Variants in CFAP95 observed in about 807,000 individuals in gnomAD.
The protein encoded by CFAP95 is cilia- and flagella-associated protein 95.
the CFAP95 span, chr9:69,844,423 A>G: frequency 1.4e-6 from 1 of 699,272 alleles, no homozygotes; most frequent in South Asian, 2.5e-5. Flanking sequence ...TACTACAAAT[A>G]TAGAAAATTT....
the CFAP95 span, among the ~76,000 whole-genome samples, chr9:69,901,041 G>C: frequency 1.3e-5 from 2 of 151,836 alleles, no homozygotes; most frequent in Admixed American, 6.6e-5. Flanking sequence ...ACAGGCCCCT[G>C]GTGTGTGATG....
the CFAP95 span, among the ~76,000 whole-genome samples, chr9:69,889,341 C>T: frequency 3.9e-5 from 6 of 152,184 alleles, no homozygotes; most frequent in African/African-American, 9.7e-5. Flanking sequence ...ATCCATTTAA[C>T]GAGGGTCACA....
the CFAP95 span, among the ~76,000 whole-genome samples, chr9:69,882,414 C>T: frequency 3.9e-5 from 6 of 152,168 alleles, no homozygotes; most frequent in African/African-American, 1.4e-4. Context: ...TGACTTCTTC[C>T]TTTCCAATTT....
At chr9:69,870,589 T>C in the CFAP95 span, among the ~76,000 whole-genome samples, 1 of 152,108 alleles carries the variant, frequency 6.6e-6, no homozygotes, top group African/African-American at 2.4e-5. Context: ...AGCGAAAAAG[T>C]AAAGAGGTAA....
At chr9:69,880,664 G>A in the CFAP95 span, among the ~76,000 whole-genome samples, 1 of 152,160 alleles carries the variant, frequency 6.6e-6, no homozygotes, top group South Asian at 2.1e-4. Flanking sequence ...CCTTTGTTTT[G>A]CATATATACC....
chr9:69,856,826 C>T, the CFAP95 span, among the ~76,000 whole-genome samples: 1 of 151,926 alleles, frequency 6.6e-6, no homozygotes, highest in Non-Finnish European at 1.5e-5. Flanking sequence ...TCATGCTGTT[C>T]TCTCTGTTTG....
the CFAP95 span, among the ~76,000 whole-genome samples, chr9:69,892,700 A>G: frequency 1.3e-5 from 2 of 152,136 alleles, no homozygotes; most frequent in African/African-American, 4.8e-5. Flanking sequence ...TCCTGTACCT[A>G]TAAAAATCCT....
At chr9:69,878,198 T>G in the CFAP95 span, among the ~76,000 whole-genome samples, 1 of 152,174 alleles carries the variant, frequency 6.6e-6, no homozygotes, top group Admixed American at 6.5e-5. Flanking sequence ...TATTTTCTTG[T>G]GTTTTATTTC....
the CFAP95 span, among the ~76,000 whole-genome samples, chr9:69,880,716 G>A: frequency 6.6e-6 from 1 of 152,146 alleles, no homozygotes; most frequent in African/African-American, 2.4e-5. Context: ...TCAATTGTTA[G>A]CTTTTTGAGG....
At chr9:69,856,916 A>G in the CFAP95 span, among the ~76,000 whole-genome samples, 3 of 89,128 alleles carry the variant, frequency 3.4e-5, no homozygotes, top group Non-Finnish European at 4.5e-5. Context: ...TCCTCTTTAT[A>G]TGTGTTTTTT....
chr9:69,820,937 G>C, the CFAP95 span: 1 of 1,614,058 alleles, frequency 6.2e-7, no homozygotes, highest in Non-Finnish European at 8.5e-7. Flanking sequence ...ACACTGGTTG[G>C]AGATCGGACC....
the CFAP95 span, among the ~76,000 whole-genome samples, chr9:69,875,169 TA>T: frequency 5.3e-5 from 8 of 152,194 alleles, 1 homozygote; most frequent in South Asian, 1.7e-3. Context: ...GCACATAATG[TA>T]CTCTCTATCA....
chr9:69,872,300 C>T, the CFAP95 span, among the ~76,000 whole-genome samples: 1 of 152,192 alleles, frequency 6.6e-6, no homozygotes, highest in African/African-American at 2.4e-5. Context: ...TTCTGCTTAA[C>T]AATCACTCAA....
chr9:69,837,980 A>G, the CFAP95 span, among the ~76,000 whole-genome samples: 3 of 152,196 alleles, frequency 2.0e-5, no homozygotes, highest in African/African-American at 7.2e-5. Context: ...ACCATTTATT[A>G]AACAGGGAAT....
At chr9:69,905,827 C>A in the CFAP95 span, 2 of 694,930 alleles carry the variant, frequency 2.9e-6, no homozygotes, top group Admixed American at 4.0e-5. Flanking sequence ...TTTGAGAGAA[C>A]AAATTAATCA....
chr9:69,902,266 T>A, the CFAP95 span: 5 of 449,094 alleles, frequency 1.1e-5, no homozygotes, highest in African/African-American at 8.1e-5. Context: ...TTCTTCCCTA[T>A]CTTCCTCCTC....
chr9:69,851,783 G>T, the CFAP95 span, among the ~76,000 whole-genome samples: 3 of 151,696 alleles, frequency 2.0e-5, no homozygotes, highest in African/African-American at 4.9e-5. Flanking sequence ...CAGGAGGATT[G>T]CTTGAGCCCA....
chr9:69,830,753 T>C, the CFAP95 span, among the ~76,000 whole-genome samples: 1 of 152,182 alleles, frequency 6.6e-6, no homozygotes, highest in African/African-American at 2.4e-5. Flanking sequence ...GCTCAAGTGA[T>C]TCTCCTGCCC....
the CFAP95 span, among the ~76,000 whole-genome samples, chr9:69,899,429 T>C: frequency 6.6e-6 from 1 of 152,248 alleles, no homozygotes; most frequent in Non-Finnish European, 1.5e-5. Flanking sequence ...CTTAGTCTGA[T>C]GCCATAATTT....
Sources: allele counts gnomAD v4.1 joint callset (sites outside exome capture counted in the v4.1 genomes callset), GRCh38; gene constraint gnomAD v4.1.1; transcripts MANE v1.5; gene names NCBI Gene and HGNC (gene_info 2026-07-23, HGNC 2026-07-21).